Variants in RAPGEF6 observed in about 807,000 individuals in gnomAD.
The protein encoded by RAPGEF6 is Rap guanine nucleotide exchange factor 6.
In RAPGEF6, 56 loss-of-function variants were observed where a neutral mutation model predicts 171.4. The observed-to-expected ratio is 0.33, with a 90% confidence interval of 0.26 to 0.41. RAPGEF6 has a LOEUF of 0.41. Ranked by LOEUF, RAPGEF6 falls within the 10% of genes least tolerant of loss-of-function variation. The pLI is 1.00. For missense variants in RAPGEF6, 1,674 were observed against 1,921.4 expected (o/e 0.87, Z 2.41); for synonymous variants, 692 against 650.1 (o/e 1.06, Z -0.98).
intron 4 of RAPGEF6, among the ~76,000 whole-genome samples, chr5:131,572,305 G>A (rs778268131): frequency 2.0e-5 from 3 of 152,030 alleles, no homozygotes; most frequent in South Asian, 4.2e-4. Context: ...ATTTCAAATC[G>A]GTAAGCGGTT....
intron 7 of RAPGEF6, chr5:131,511,277 T>TA (rs1448924111): frequency 5.3e-5 from 8 of 152,210 alleles, no homozygotes; most frequent in African/African-American, 1.9e-4. Context: ...AAAATATTTC[T>TA]AAATATTATA....
chr5:131,582,976 T>C (rs1227430464), intron 4 of RAPGEF6, among the ~76,000 whole-genome samples: 1 of 152,206 alleles, frequency 6.6e-6, no homozygotes, highest in Non-Finnish European at 1.5e-5. Flanking sequence ...ACGTACAAAA[T>C]CTAGCCATCT....
intron 17 of RAPGEF6, among the ~76,000 whole-genome samples, chr5:131,465,025 C>T (rs1754232981): frequency 6.6e-6 from 1 of 152,130 alleles, no homozygotes; most frequent in Non-Finnish European, 1.5e-5. Flanking sequence ...TGGTAAGACT[C>T]AGTAACTGAT....
intron 1 of RAPGEF6, among the ~76,000 whole-genome samples, chr5:131,620,598 C>CT (rs570553178): frequency 1.0e-3 from 150 of 145,172 alleles, no homozygotes; most frequent in African/African-American, 1.4e-3. Context: ...TTTTTCTTTT[C>CT]TTTTTTTTTT....
intron 4 of RAPGEF6, among the ~76,000 whole-genome samples, chr5:131,577,985 G>A (rs1275814763): frequency 6.6e-6 from 1 of 152,110 alleles, no homozygotes; most frequent in Non-Finnish European, 1.5e-5. Context: ...CTTCTGTCTA[G>A]TTATACTCCT....
At chr5:131,612,656 A>G (rs1170303934) in intron 1 of RAPGEF6, among the ~76,000 whole-genome samples, 1 of 152,146 alleles carries the variant, frequency 6.6e-6, no homozygotes, top group Non-Finnish European at 1.5e-5. Flanking sequence ...GGTGGCAAAC[A>G]AGTTCTGAAA....
intron 6 of RAPGEF6, among the ~76,000 whole-genome samples, chr5:131,523,571 C>G (rs1268071364): frequency 6.6e-6 from 1 of 151,710 alleles, no homozygotes; most frequent in Non-Finnish European, 1.5e-5. Flanking sequence ...AAAGACTAGT[C>G]TGAAAAATAT....
intron 7 of RAPGEF6, among the ~76,000 whole-genome samples, chr5:131,512,679 C>T (rs918527252): frequency 3.9e-5 from 6 of 151,990 alleles, no homozygotes; most frequent in Admixed American, 6.6e-5. Flanking sequence ...TAAGGGTCTG[C>T]GATTGTCTGA....
At chr5:131,440,518 A>T (rs1374797594) in intron 23 of RAPGEF6, among the ~76,000 whole-genome samples, 1 of 151,942 alleles carries the variant, frequency 6.6e-6, no homozygotes, top group Non-Finnish European at 1.5e-5. Context: ...TGGGTGGATC[A>T]CCTGAAGTCA....
At chr5:131,449,950 T>C in intron 21 of RAPGEF6, 2 of 1,423,326 alleles carry the variant, frequency 1.4e-6, no homozygotes, top group Non-Finnish European at 1.9e-6. Context: ...TGTGCGTGCA[T>C]TAATGAAAAG....
At chr5:131,613,142 G>T (rs1447897785) in intron 1 of RAPGEF6, among the ~76,000 whole-genome samples, 1 of 152,184 alleles carries the variant, frequency 6.6e-6, no homozygotes, top group Non-Finnish European at 1.5e-5. Flanking sequence ...CAGGTGTGGT[G>T]GCTCACGCCT....
intron 7 of RAPGEF6, among the ~76,000 whole-genome samples, chr5:131,512,246 C>A (rs976602968): frequency 2.6e-5 from 4 of 151,940 alleles, no homozygotes; most frequent in Non-Finnish European, 4.4e-5. Context: ...CCGTACGGAG[C>A]CAAAAGACCA....
At chr5:131,481,177 G>A (rs185173506) in intron 15 of RAPGEF6, among the ~76,000 whole-genome samples, 6 of 151,694 alleles carry the variant, frequency 4.0e-5, no homozygotes, top group African/African-American at 9.7e-5. Flanking sequence ...CACCTGCCTC[G>A]GCCTCCCAAA....
At chr5:131,527,293 AC>A (rs1291767727) in intron 6 of RAPGEF6, among the ~76,000 whole-genome samples, 1 of 151,540 alleles carries the variant, frequency 6.6e-6, no homozygotes, top group African/African-American at 2.4e-5. Context: ...AAACAAAACA[AC>A]AACAACAACA....
At chr5:131,439,317 T>G (rs556324910) in intron 24 of RAPGEF6, among the ~76,000 whole-genome samples, 26 of 152,214 alleles carry the variant, frequency 1.7e-4, no homozygotes, top group Non-Finnish European at 2.9e-4. Context: ...GCACCAAAAC[T>G]ATGGCTTCTG....
chr5:131,482,618 T>C (rs941665534), intron 15 of RAPGEF6, among the ~76,000 whole-genome samples: 2 of 152,196 alleles, frequency 1.3e-5, no homozygotes, highest in African/African-American at 4.8e-5. Flanking sequence ...TTTTTAAATC[T>C]AAAATTCAGA....
At chr5:131,524,805 G>C (rs765129146) in intron 6 of RAPGEF6, among the ~76,000 whole-genome samples, 32 of 152,220 alleles carry the variant, frequency 2.1e-4, no homozygotes, top group Non-Finnish European at 4.0e-4. Context: ...TAGTACAGAA[G>C]GGGTTTCACC....
chr5:131,521,210 A>G (rs928484660), intron 7 of RAPGEF6, among the ~76,000 whole-genome samples, 180 bp downstream of exon 7: 3 of 152,234 alleles, frequency 2.0e-5, no homozygotes, highest in Non-Finnish European at 2.9e-5. Flanking sequence ...TTCTCAAAAG[A>G]CAGATCACGT....
chr5:131,631,121 G>A (rs1285781504), intron 1 of RAPGEF6, among the ~76,000 whole-genome samples: 1 of 151,984 alleles, frequency 6.6e-6, no homozygotes, highest in Non-Finnish European at 1.5e-5. Flanking sequence ...TATTCTCTAC[G>A]TACACTCACT....
Sources: allele counts gnomAD v4.1 joint callset (sites outside exome capture counted in the v4.1 genomes callset), GRCh38; gene constraint gnomAD v4.1.1; transcripts MANE v1.5; gene names NCBI Gene and HGNC (gene_info 2026-07-23, HGNC 2026-07-21).